Variants in NRAP observed in about 807,000 individuals in gnomAD.
NRAP encodes nebulin related anchoring protein, also known as nebulin-related-anchoring protein.
Under a neutral mutation model 225.9 loss-of-function variants are expected in NRAP, and 189 were observed. That is an observed-to-expected ratio of 0.84 (90% CI 0.74 to 0.94). The LOEUF is 0.94. Among genes scored for constraint, NRAP ranks in the 40% least tolerant of loss-of-function variants. The pLI is 0.00. For synonymous variants in NRAP, 769 were observed against 790.7 expected (o/e 0.97, Z 0.46); for missense variants, 2,176 against 2,168.7 (o/e 1.00, Z -0.07).
At position 113,640,222 on chromosome 10, in the gene NRAP, C is replaced by T. The variant is rs1849118837; in HGVS notation, c.1428+5G>A. 5 of 1,557,570 alleles carry T rather than the reference C, an allele frequency of 3.2e-6. No individual in the cohort carries two copies. The highest frequency in any genetic ancestry group is 4.4e-6 in the Non-Finnish European group (5 of 1,137,010). On this transcript the variant is annotated splice_donor_5th_base_variant and intron_variant, in intron 14 of 41. Coordinates refer to ENST00000359988, the MANE Select transcript of NRAP (RefSeq NM_198060.4). ...AGCAGAAAGAGCTGTTGGAAAAGAA[C>T]TTACATCTTTCAAGGGCACCAGTTT...
At chr10:113,620,506 T>C (rs1253261345) in intron 25 of NRAP, 98 bp downstream of exon 25, 3 of 910,794 alleles carry the variant, frequency 3.3e-6, no homozygotes, top group East Asian at 2.4e-5. Context: ...GGCTTTGCCT[T>C]TTTCTTTGCC....
chr10:113,657,370 A>G, intron 4 of NRAP, 100 bp downstream of exon 4: 1 of 681,656 alleles, frequency 1.5e-6, no homozygotes, highest in Non-Finnish European at 2.6e-6. Context: ...GTGAAAGGAA[A>G]CCTACTTGGT....
intron 15 of NRAP, 37 bp from the exon 16 acceptor site, chr10:113,633,225 TG>T: frequency 8.2e-7 from 1 of 1,226,900 alleles, no homozygotes; most frequent in East Asian, 2.3e-5. Context: ...GGTTTTTATA[TG>T]GGCAGAAAGA....
At position 113,631,457 on chromosome 10, in the gene NRAP, T is replaced by C. The variant is rs1848572608; in HGVS notation, c.1842+52A>G. The C allele has an allele frequency of 2.5e-6, 3 of 1,207,660 alleles. No homozygotes were observed. In the South Asian group the frequency reaches 4.2e-5, roughly 17 times the overall value. The allele number at this position is 1,207,660 out of a possible 1,614,324, so 74.8% of individuals were successfully genotyped here. On this transcript the variant is annotated intron_variant, in intron 18 of 41. Coordinates refer to ENST00000359988, the MANE Select transcript of NRAP (RefSeq NM_198060.4). Reference sequence around the variant, plus strand: ...AGGTGAAGTAGGCCCAGGGAAAACTTTTAAAATAACACAACTGTAAGTGAG... The same window carrying C: ...AGGTGAAGTAGGCCCAGGGAAAACTCTTAAAATAACACAACTGTAAGTGAG...
In NRAP at chr10:113,590,561, G is replaced by C; in HGVS notation, c.4956+17C>G. On this transcript the variant is annotated intron_variant, in intron 40 of 41. Coordinates refer to ENST00000359988, the MANE Select transcript of NRAP (RefSeq NM_198060.4). ...ACCAGGGGAAGGGCCTCAAGGGAGT[G>C]GGTGGAGGTGGCTCACATCACTCTG... 2 of 1,602,992 alleles carry C rather than the reference G, an allele frequency of 1.2e-6. No homozygotes were observed.
chr10:113,651,544 AT>A (rs780408574), intron 7 of NRAP, among the ~76,000 whole-genome samples: 37 of 151,786 alleles, frequency 2.4e-4, no homozygotes, highest in Non-Finnish European at 5.2e-4. Flanking sequence ...CCCTGTGTCC[AT>A]GTGTTCTCAT....
At chr10:113,600,302 G>A (rs1213378413) in intron 35 of NRAP, among the ~76,000 whole-genome samples, 2 of 151,770 alleles carry the variant, frequency 1.3e-5, no homozygotes, top group Non-Finnish European at 2.9e-5. Flanking sequence ...TCTCAGAGTA[G>A]CTGGGACCAC....
At chr10:113,638,126 T>A (rs542652304) in intron 14 of NRAP, among the ~76,000 whole-genome samples, 1 of 152,224 alleles carries the variant, frequency 6.6e-6, no homozygotes, top group African/African-American at 2.4e-5. Context: ...CATAATAGAG[T>A]CTATTAGAAT....
chr10:113,615,881 A>AGAGT, intron 26 of NRAP, 65 bp from the exon 27 acceptor site: 1 of 932,386 alleles, frequency 1.1e-6, no homozygotes, highest in South Asian at 1.4e-5. Flanking sequence ...CAGCCAGGTT[A>AGAGT]CGCTTCAAGA....
intron 33 of NRAP, 53 bp from the exon 34 acceptor site, chr10:113,605,922 G>T: frequency 2.3e-6 from 3 of 1,285,524 alleles, no homozygotes; most frequent in Non-Finnish European, 3.4e-6. Flanking sequence ...GAATCAACGA[G>T]CAAAGGCCAC....
intron 6 of NRAP, among the ~76,000 whole-genome samples, chr10:113,652,605 AAAAAT>A (rs1850046965): frequency 6.6e-6 from 1 of 151,836 alleles, no homozygotes; most frequent in Admixed American, 6.6e-5. Flanking sequence ...GAATAAAAAT[AAAAAT>A]AAAATAAAAA....
intron 3 of NRAP, among the ~76,000 whole-genome samples, chr10:113,659,325 A>G (rs1278950452): frequency 6.6e-6 from 1 of 152,174 alleles, no homozygotes; most frequent in Non-Finnish European, 1.5e-5. Flanking sequence ...ATAATACCCC[A>G]TCAACACCAG....
chr10:113,663,927 A>C lies in NRAP; in HGVS notation c.-45T>G, dbSNP rs1311167992. The C allele has an allele frequency of 1.4e-6, 2 of 1,452,378 alleles. No homozygotes were observed. The highest frequency in any genetic ancestry group is 1.4e-5 in the African/African-American group (1 of 71,598). 90.0% of individuals were successfully genotyped at this position (1,452,378 alleles called of 1,614,324 possible). A position where few individuals can be genotyped will look rare whatever the true frequency, so the allele number is the denominator to read the frequency against. On this transcript the variant is annotated 5_prime_UTR_variant, in exon 1 of 42. It adds an upstream start codon to the 5' untranslated region. Transcript: ENST00000359988. ...GGACAAAGATAGGCAACAGGCAAGA[A>C]ATGCAAGGAGAACCCCCAGTCTAGT...
At position 113,620,719 on chromosome 10, in the gene NRAP, A is replaced by G; in HGVS notation, c.2770-11T>C. The G allele has an allele frequency of 6.4e-7, 1 of 1,562,046 alleles. No individual in the cohort carries two copies. Among genetic ancestry groups the G allele is most frequent in the Non-Finnish European group, 8.8e-7 (1 of 1,137,158 alleles). On this transcript the variant is annotated splice_polypyrimidine_tract_variant and intron_variant, in intron 24 of 41. Transcript: ENST00000359988. ...TGCCCTGTATTGGTTCTGACAAAGG[A>G]GAAAGAAAAAAAAAAAAAGCAGGCC...
chr10:113,590,802 G>T lies in NRAP; in HGVS notation c.4732C>A (p.Leu1578Ile). The T allele has an allele frequency of 6.2e-7, 1 of 1,614,218 alleles. No individual in the cohort carries two copies. Among genetic ancestry groups the T allele is most frequent in the Non-Finnish European group, 8.5e-7 (1 of 1,180,032 alleles). Residue 1578 changes from leucine to isoleucine, a missense_variant, in exon 40 of 42, where the codon CTC becomes ATC. Transcript: ENST00000359988. ...VDDDPRMKHF[L>I]NVGRLQSDNE... ...TCACTCTGGAGCCTGCCAACGTTGA[G>T]GAAATGCTTCATCCTTGGGTCATCG...
intron 34 of NRAP, 23 bp from the exon 35 acceptor site, chr10:113,604,943 C>A: frequency 6.3e-7 from 1 of 1,597,282 alleles, no homozygotes; most frequent in South Asian, 1.1e-5. Context: ...GCTGGCCGGT[C>A]AAATTCTATC....
intron 21 of NRAP, 50 bp downstream of exon 21, chr10:113,625,997 C>T (rs747027758): frequency 7.4e-7 from 1 of 1,349,366 alleles, no homozygotes; most frequent in Non-Finnish European, 1.0e-6. Flanking sequence ...GGAGGTCCCC[C>T]AGGCCCATGA....
intron 3 of NRAP, among the ~76,000 whole-genome samples, chr10:113,659,391 G>A (rs1422152705): frequency 6.6e-6 from 1 of 152,256 alleles, no homozygotes; most frequent in East Asian, 1.9e-4. Flanking sequence ...TAGGGGTTGG[G>A]GGGAACTGCC....
chr10:113,657,632 A>G, intron 3 of NRAP, 58 bp from the exon 4 acceptor site: 1 of 1,020,944 alleles, frequency 9.8e-7, no homozygotes, highest in Non-Finnish European at 1.5e-6. Context: ...AAAAACATAG[A>G]CAAACAATTC....
Sources: allele counts gnomAD v4.1 joint callset (sites outside exome capture counted in the v4.1 genomes callset), GRCh38; gene constraint gnomAD v4.1.1; transcripts MANE v1.5; gene names NCBI Gene and HGNC (gene_info 2026-07-23, HGNC 2026-07-21).